Variants in NRXN1 observed in about 807,000 individuals in gnomAD.
NRXN1 encodes the protein neurexin-1.
Under a neutral mutation model 150.9 loss-of-function variants are expected in NRXN1, and 39 were observed. The ratio of observed to expected loss-of-function variants is 0.26; its 90% confidence interval spans 0.20 to 0.34. NRXN1 has a LOEUF of 0.34. Ranked by LOEUF, NRXN1 falls within the 10% of genes least tolerant of loss-of-function variation. NRXN1 has a pLI of 1.00. For missense variants in NRXN1, 1,815 were observed against 1,949.9 expected, an observed-to-expected ratio of 0.93 and a Z score of 1.30; for synonymous variants, 924 against 757.0, an observed-to-expected ratio of 1.22 and a Z score of -3.62.
chr2:50,907,395 T>G (rs956975936), intron 5 of NRXN1, among the ~76,000 whole-genome samples: 1 of 152,082 alleles, frequency 6.6e-6, no homozygotes, highest in African/African-American at 2.4e-5. Context: ...ATTAACTAAG[T>G]TTGTTATACT....
chr2:50,426,376 CTCAGAGGAGGA>C (rs1427593971), intron 17 of NRXN1, among the ~76,000 whole-genome samples: 1 of 152,190 alleles, frequency 6.6e-6, no homozygotes, highest in Non-Finnish European at 1.5e-5. Flanking sequence ...AGTATACCTC[CTCAGAGGAGGA>C]CAATCTTTTT....
intron 8 of NRXN1, chr2:50,588,601 T>G (rs1673559092): frequency 6.6e-6 from 1 of 152,214 alleles, no homozygotes; most frequent in South Asian, 2.1e-4. Flanking sequence ...GTCTATTTAT[T>G]GGCTTTTTGG....
At chr2:50,749,405 C>T (rs1368462797) in intron 5 of NRXN1, among the ~76,000 whole-genome samples, 1 of 152,018 alleles carries the variant, frequency 6.6e-6, no homozygotes, top group Non-Finnish European at 1.5e-5. Context: ...GGGATTAGAA[C>T]TTGCTCCCTG....
chr2:50,929,978 T>C (rs942086724), intron 2 of NRXN1, among the ~76,000 whole-genome samples: 1 of 152,086 alleles, frequency 6.6e-6, no homozygotes, highest in African/African-American at 2.4e-5. Context: ...ACCAAGACGA[T>C]GTTCAAAGAG....
intron 8 of NRXN1, among the ~76,000 whole-genome samples, chr2:50,573,522 T>A (rs1016168816): frequency 1.3e-5 from 2 of 152,056 alleles, no homozygotes; most frequent in African/African-American, 4.8e-5. Context: ...AGGTATAAGG[T>A]TAACTATTAG....
At chr2:50,822,174 A>G (rs954465815) in intron 5 of NRXN1, among the ~76,000 whole-genome samples, 3 of 152,140 alleles carry the variant, frequency 2.0e-5, no homozygotes, top group Admixed American at 2.0e-4. Context: ...GCTAACATAA[A>G]TTTTTAAAAT....
chr2:50,343,750 C>T (rs1390682096), intron 17 of NRXN1, among the ~76,000 whole-genome samples: 1 of 152,188 alleles, frequency 6.6e-6, no homozygotes, highest in Non-Finnish European at 1.5e-5. Flanking sequence ...ATAGTCAGCC[C>T]AGCAGCTTTC....
At chr2:50,871,426 G>A (rs1677763734) in intron 5 of NRXN1, among the ~76,000 whole-genome samples, 1 of 151,672 alleles carries the variant, frequency 6.6e-6, no homozygotes, top group Admixed American at 6.6e-5. Context: ...TCTAACATGG[G>A]CTTATAAGGT....
chr2:50,141,458 T>G (rs1196160676), intron 18 of NRXN1, among the ~76,000 whole-genome samples: 1 of 151,926 alleles, frequency 6.6e-6, no homozygotes, highest in Non-Finnish European at 1.5e-5. Context: ...AAGAGATAAC[T>G]GGGACTGTAT....
intron 17 of NRXN1, among the ~76,000 whole-genome samples, chr2:50,327,598 T>A (rs1264637799): frequency 6.6e-6 from 1 of 152,124 alleles, no homozygotes; most frequent in Non-Finnish European, 1.5e-5. Context: ...CTTCTTTTTC[T>A]TTTTTCTTCT....
intron 2 of NRXN1, among the ~76,000 whole-genome samples, chr2:50,945,499 C>CCT (rs903495197): frequency 1.2e-4 from 13 of 106,240 alleles, no homozygotes; most frequent in South Asian, 3.4e-4. Flanking sequence ...TATATAGCTC[C>CCT]CTCTCTCTCT....
At chr2:50,812,307 T>C (rs575783633) in intron 5 of NRXN1, among the ~76,000 whole-genome samples, 2 of 152,290 alleles carry the variant, frequency 1.3e-5, no homozygotes, top group East Asian at 1.9e-4. Flanking sequence ...TTTAAATACA[T>C]GGAAATAATA....
Position 51,001,239 on chromosome 2 carries a change from G to C in NRXN1, c.772+26263C>G, listed in dbSNP as rs1202510972. Reference sequence around the variant, plus strand: ...CAATGGTAGATTCATGGGGTTGGGGGGGGGGGGCGTTTGTCAGGGGAGGAC... The same window carrying C: ...CAATGGTAGATTCATGGGGTTGGGGCGGGGGGGCGTTTGTCAGGGGAGGAC... On this transcript the variant is annotated intron_variant, in intron 2 of 22. Coordinates refer to ENST00000401669, the MANE Select transcript of NRXN1 (RefSeq NM_001330078.2). Among the ~76,000 whole-genome samples, 3 of 122,436 alleles carry C rather than the reference G, an allele frequency of 2.5e-5. 1 individual carries two copies. The highest frequency in any genetic ancestry group is 5.1e-5 in the Non-Finnish European group (3 of 58,842). 80.3% of individuals were successfully genotyped at this position (122,436 alleles called of 152,430 possible). A position where few individuals can be genotyped will look rare whatever the true frequency, so the allele number is the denominator to read the frequency against.
chr2:50,705,494 C>T (rs1694312104), intron 5 of NRXN1, among the ~76,000 whole-genome samples: 1 of 152,144 alleles, frequency 6.6e-6, no homozygotes, highest in African/African-American at 2.4e-5. Flanking sequence ...GAGTAACATG[C>T]TGCTTTATAA....
intron 22 of NRXN1, among the ~76,000 whole-genome samples, chr2:49,941,898 G>T (rs927304499): frequency 6.6e-6 from 1 of 152,176 alleles, no homozygotes; most frequent in Non-Finnish European, 1.5e-5. Context: ...GGTTGGGCAT[G>T]TGAGCGTAGA....
chr2:50,475,187 C>T (rs567079402), intron 15 of NRXN1, among the ~76,000 whole-genome samples: 41 of 152,060 alleles, frequency 2.7e-4, no homozygotes, highest in African/African-American at 9.6e-4. Flanking sequence ...CTTGGCACAG[C>T]TTTAGGCTTT....
At chr2:50,296,077 T>A (rs759290288) in intron 17 of NRXN1, among the ~76,000 whole-genome samples, 5 of 152,220 alleles carry the variant, frequency 3.3e-5, no homozygotes, top group Non-Finnish European at 5.9e-5. Context: ...GGGCACGGCA[T>A]TTCTAGGCAG....
At chr2:50,643,720 G>A (rs990546251) in intron 5 of NRXN1, among the ~76,000 whole-genome samples, 1 of 151,618 alleles carries the variant, frequency 6.6e-6, no homozygotes, top group Non-Finnish European at 1.5e-5. Flanking sequence ...TACTTACATC[G>A]ATTTCTAGAC....
At chr2:50,090,164 T>G (rs1699372856) in intron 19 of NRXN1, among the ~76,000 whole-genome samples, 2 of 152,232 alleles carry the variant, frequency 1.3e-5, no homozygotes, top group Non-Finnish European at 2.9e-5. Context: ...AGGTTTGAAC[T>G]AGGGCTTGAA....
Sources: gnomAD v4.1 joint callset for allele counts (sites outside exome capture counted in the v4.1 genomes callset) on GRCh38, gnomAD v4.1.1 for gene constraint, MANE v1.5 for transcripts, NCBI Gene and HGNC (gene_info 2026-07-23, HGNC 2026-07-21) for gene names.